TRPM2: variants seen among roughly 807,000 people sequenced by gnomAD.
TRPM2 encodes estrogen-responsive element-associated gene 1 protein.
TRPM2 carries 161 observed loss-of-function variants against 174.0 expected under a neutral mutation model. The observed-to-expected ratio is 0.93, with a 90% confidence interval of 0.81 to 1.05. TRPM2 has a LOEUF of 1.05. Among genes scored for constraint, TRPM2 ranks in the 50% least tolerant of loss-of-function variants. TRPM2 has a pLI of 0.00. For missense variants in TRPM2, 2,057 were observed against 2,038.0 expected (o/e 1.01, Z -0.18); for synonymous variants, 954 against 861.3 (o/e 1.11, Z -1.88).
intron 15 of TRPM2, 28 bp downstream of exon 15, chr21:44,400,399 C>T: frequency 6.3e-7 from 1 of 1,578,022 alleles, no homozygotes; most frequent in Non-Finnish European, 8.6e-7. Context: ...GGCTGCGGGA[C>T]TGTGGGGCTG....
Position 44,442,063 on chromosome 21 carries a change from C to T in TRPM2, c.*246C>T. 4.3e-6 allele frequency: 2 copies of T among 461,266 alleles called. No homozygotes were observed. Among genetic ancestry groups the T allele is most frequent in the Admixed American group, 4.5e-5 (1 of 22,360 alleles). The allele number at this position is 461,266 out of a possible 1,614,324, so 28.6% of individuals were successfully genotyped here. Reference sequence around the variant, plus strand: ...ACAGGCTACTCAGAGCTGAGGGGCCCCTGGGACCCTTGGCCATCAGGCGAG... The same window carrying T: ...ACAGGCTACTCAGAGCTGAGGGGCCTCTGGGACCCTTGGCCATCAGGCGAG... On this transcript the variant is annotated 3_prime_UTR_variant, in exon 32 of 32. Transcript: ENST00000397928.
intron 27 of TRPM2, among the ~76,000 whole-genome samples, chr21:44,428,913 A>G (rs933689894): frequency 1.1e-4 from 16 of 152,372 alleles, no homozygotes; most frequent in African/African-American, 3.6e-4. Flanking sequence ...ATAGCAGATC[A>G]TGCCACTATT....
At chr21:44,400,495 C>A in intron 15 of TRPM2, 124 bp downstream of exon 15, 2 of 826,740 alleles carry the variant, frequency 2.4e-6, no homozygotes, top group South Asian at 1.7e-5. Context: ...CAGAATTGTC[C>A]CTGGATCCTG....
chr21:44,366,932 C>G lies in TRPM2; in HGVS notation c.602C>G (p.Thr201Arg), dbSNP rs767462341. The change falls in exon 4 of 32, where the codon ACA becomes AGA. Residue 201 changes from threonine (T) to arginine (R), a missense_variant and splice_region_variant. Physicochemically the swap from Thr to Arg is moderately conservative, Grantham distance 71 (BLOSUM62 -1). Coordinates refer to ENST00000397928, the MANE Select transcript of TRPM2 (RefSeq NM_003307.4). This position sits in a 1 kb window ranked among gnomAD's most constrained non-coding sequence, Gnocchi z 6.0. ...RRGLVKVAQT[T>R]GAWIITGGSH... is the part of the protein sequence containing the mutation. ...GGCCTGGTCAAGGTGGCTCAGACCA[C>G]AGGTAACTCGGAGGCTGGAGGGACA... 1.3e-6 allele frequency: 2 copies of G among 1,580,838 alleles called. No homozygotes were observed. Among genetic ancestry groups the G allele is most frequent in the South Asian group, 2.3e-5 (2 of 86,762 alleles).
chr21:44,432,599 C>A lies in TRPM2; in HGVS notation c.3975-2532C>A, dbSNP rs191216351. Among the ~76,000 whole-genome samples the A allele has an allele frequency of 2.5e-4, 38 of 152,318 alleles. No homozygotes were observed. The highest frequency in any genetic ancestry group is 6.5e-4 in the African/African-American group (27 of 41,578). On this transcript the variant is annotated intron_variant, in intron 27 of 31. Coordinates refer to ENST00000397928, the MANE Select transcript of TRPM2 (RefSeq NM_003307.4). This position sits in a 1 kb window ranked among gnomAD's most constrained non-coding sequence, Gnocchi z 4.9. ...TCCCGGGAATGTCCTGCTCCTCCTG[C>A]ACCCGGGTCCTCCTGCCCTCTTGCA...
At chr21:44,355,251 A>AC (rs1007860066) in intron 2 of TRPM2, among the ~76,000 whole-genome samples, 1 of 151,156 alleles carries the variant, frequency 6.6e-6, no homozygotes, top group Non-Finnish European at 1.5e-5. Flanking sequence ...TGTGGCCAAG[A>AC]CCCCCGCCCA....
Position 44,399,296 on chromosome 21 carries a change from G to T in TRPM2, c.2063G>T (p.Gly688Val), listed in dbSNP as rs2049530208. 1 of 1,611,924 alleles carries T rather than the reference G, an allele frequency of 6.2e-7. No homozygotes were observed. Among genetic ancestry groups the T allele is most frequent in the South Asian group, 1.1e-5 (1 of 90,956 alleles). Residue 688 changes from glycine to valine, a missense_variant and splice_region_variant, in exon 14 of 32, where the codon GGG (glycine) becomes GTG (valine). By Grantham distance (109) the Gly-to-Val change is moderately radical. Coordinates refer to ENST00000397928, the MANE Select transcript of TRPM2 (RefSeq NM_003307.4). This position sits in a 1 kb window ranked among gnomAD's most constrained non-coding sequence, Gnocchi z 4.6. ...ACGGGGCTCTCATATCTCCGCCCAG[G>T]GGTCTTCACCGAGTGCTACCGGAAG... is the stretch of plus-strand genomic sequence containing the variant. ...LAEEYEHRAI[G>V]VFTECYRKDE...
chr21:44,383,689 G>A (rs190214000), intron 9 of TRPM2, among the ~76,000 whole-genome samples: 1 of 151,290 alleles, frequency 6.6e-6, no homozygotes, highest in East Asian at 2.0e-4. Context: ...ACAACAAGAT[G>A]AAGTTAGGAA....
chr21:44,351,783 GCCT>G (rs2047929602), upstream of TRPM2, among the ~76,000 whole-genome samples: 1 of 152,206 alleles, frequency 6.6e-6, no homozygotes. Flanking sequence ...GCTCCTGGCT[GCCT>G]CCTGCAAAGT....
intron 27 of TRPM2, among the ~76,000 whole-genome samples, chr21:44,433,667 C>T (rs1052668172): frequency 7.2e-5 from 11 of 152,162 alleles, no homozygotes; most frequent in African/African-American, 7.2e-5. Flanking sequence ...TGGGTGGGGC[C>T]GGGGCTCTGG....
intron 2 of TRPM2, among the ~76,000 whole-genome samples, chr21:44,356,183 T>C (rs2048055932): frequency 7.6e-6 from 1 of 131,366 alleles, no homozygotes; most frequent in Non-Finnish European, 1.6e-5. Context: ...CATCTGGCTA[T>C]GTTATTTTTA....
rs45613636 is a variant in TRPM2, at chr21:44,437,104, A to G, written c.4104A>G (p.Ile1368Met). 7.7e-4 allele frequency: 1,188 copies of G among 1,551,320 alleles called. 19 individuals carry two copies. The East Asian group carries it at 0.024, about 31-fold the overall frequency. Reference sequence around the variant, plus strand: ...ATGGAGCCATCTGCAGGAAGAGCATAAAGAAGATGCTGGAAGTGCTGGTGG... The same window carrying G: ...ATGGAGCCATCTGCAGGAAGAGCATGAAGAAGATGCTGGAAGTGCTGGTGG... Reference protein sequence around the residue: ...NEDGAICRKSIKKMLEVLVVK... With the variant: ...NEDGAICRKSMKKMLEVLVVK... The change falls in exon 29 of 32, where the codon ATA (isoleucine) becomes ATG (methionine). Residue 1368 changes from isoleucine (I) to methionine (M), a missense_variant. By Grantham distance (10) the Ile-to-Met change is conservative. Coordinates refer to ENST00000397928, the MANE Select transcript of TRPM2 (RefSeq NM_003307.4).
intron 24 of TRPM2, chr21:44,425,462 G>C: frequency 2.0e-6 from 1 of 499,794 alleles, no homozygotes; most frequent in Non-Finnish European, 3.4e-6. Context: ...AGGTGCCGGC[G>C]GGGACGCTGC....
At chr21:44,404,298 G>A (rs988891050) in intron 16 of TRPM2, among the ~76,000 whole-genome samples, 2 of 148,544 alleles carry the variant, frequency 1.3e-5, no homozygotes, top group African/African-American at 5.0e-5. Context: ...ACATATACAT[G>A]CACACATACA....
intron 27 of TRPM2, among the ~76,000 whole-genome samples, chr21:44,427,743 A>T (rs1159973972): frequency 6.6e-6 from 1 of 152,046 alleles, no homozygotes; most frequent in Non-Finnish European, 1.5e-5. Flanking sequence ...GGACGGGGGG[A>T]CTGCGTGGCA....
Position 44,439,313 on chromosome 21 carries a change from T to C in TRPM2, c.4269+145T>C. The C allele has an allele frequency of 1.5e-6, 1 of 680,856 alleles. No homozygotes were observed. The highest frequency in any genetic ancestry group is 2.8e-5 in the East Asian group (1 of 35,210). The allele number at this position is 680,856 out of a possible 1,614,324, so 42.2% of individuals were successfully genotyped here. On this transcript the variant is annotated intron_variant, in intron 30 of 31. Transcript: ENST00000397928. The surrounding 1 kb of genome is among the most constrained non-coding windows in gnomAD (Gnocchi z 5.1). The stretch of plus-strand genomic sequence containing the variant: ...ACCAGGTGACGGTGGTCCCAGCCCC[T>C]GCCCCCACGTTGCACAGCTCCCAGA...
Position 44,388,331 on chromosome 21 carries a change from G to A in TRPM2, c.1319-2573G>A, listed in dbSNP as rs185831836. Reference sequence around the variant, plus strand: ...AAAGGACAAATACTATATGATTCCAGTTACAAGAGGTCCCTGGAGTAGTCA... The same window carrying A: ...AAAGGACAAATACTATATGATTCCAATTACAAGAGGTCCCTGGAGTAGTCA... On this transcript the variant is annotated intron_variant, in intron 9 of 31. Coordinates refer to ENST00000397928, the MANE Select transcript of TRPM2 (RefSeq NM_003307.4). Among the ~76,000 whole-genome samples, 95 of 152,294 alleles carry A rather than the reference G, an allele frequency of 6.2e-4. 1 individual carries two copies. The highest frequency in any genetic ancestry group is 9.2e-4 in the Admixed American group (14 of 15,288).
In TRPM2 at chr21:44,369,195, G is replaced by A. The variant is rs202197856; in HGVS notation, c.623G>A (p.Gly208Glu). ...AQTTGAWIIT[G>E]GSHTGVMKQV... ...TCCCCAGGGGCCTGGATCATCACAG[G>A]GGGGTCCCACACCGGCGTCATGAAG... Residue 208 changes from glycine (G) to glutamate (E), a missense_variant, in exon 5 of 32, where the codon GGG becomes GAG. By Grantham distance (98) the Gly-to-Glu change is moderately conservative. Transcript: ENST00000397928. The A allele has an allele frequency of 6.2e-7, 1 of 1,611,186 alleles. No individual in the cohort carries two copies. Among genetic ancestry groups the A allele is most frequent in the South Asian group, 1.1e-5 (1 of 90,646 alleles).
In TRPM2 at chr21:44,418,127, C is replaced by T. The variant is rs1259824303; in HGVS notation, c.3328+19C>T. On this transcript the variant is annotated intron_variant, in intron 21 of 31. Coordinates refer to ENST00000397928, the MANE Select transcript of TRPM2 (RefSeq NM_003307.4). ...CAGCTCAGTATGCCAGCCCCAGTGC[C>T]TCTCCTGAATGTCCTGGCCACCCGG... The T allele has an allele frequency of 1.9e-6, 3 of 1,601,376 alleles. No individual in the cohort carries two copies. The Admixed American group carries it at 5.0e-5, about 27-fold the overall frequency.
Sources: allele counts gnomAD v4.1 joint callset (sites outside exome capture counted in the v4.1 genomes callset), GRCh38; gene constraint gnomAD v4.1.1; non-coding constraint Gnocchi (gnomAD v3.1); transcripts MANE v1.5; gene names NCBI Gene and HGNC (gene_info 2026-07-23, HGNC 2026-07-21).